The following RAF1 variants were observed in gnomAD, a reference collection of about 807,000 sequenced individuals.
RAF1 encodes Raf-1 proto-oncogene, serine/threonine kinase.
In RAF1, 27 loss-of-function variants were observed where a neutral mutation model predicts 81.1. That is an observed-to-expected ratio of 0.33 (90% confidence interval 0.25 to 0.46). The LOEUF (loss-of-function observed/expected upper bound fraction) is 0.46. Among genes scored for constraint, RAF1 ranks in the 20% least tolerant of loss-of-function variants. RAF1 has a pLI of 1.00. For synonymous variants in RAF1, 298 were observed against 294.0 expected, an observed-to-expected ratio of 1.01 and a Z score of -0.14; for missense variants, 598 against 826.0, an observed-to-expected ratio of 0.72 and a Z score of 3.38.
chr3:12,639,517 A>C (rs1240114401), intron 1 of RAF1, among the ~76,000 whole-genome samples: 6 of 152,226 alleles, frequency 3.9e-5, no homozygotes, highest in African/African-American at 1.4e-4. Flanking sequence ...AGGCAACTTC[A>C]GCAAAGTCTC....
At chr3:12,656,696 C>G (rs2060704397) in intron 1 of RAF1, among the ~76,000 whole-genome samples, 1 of 152,082 alleles carries the variant, frequency 6.6e-6, no homozygotes, top group African/African-American at 2.4e-5. Context: ...CATAAGACAT[C>G]TATACAAGAA....
intron 1 of RAF1, among the ~76,000 whole-genome samples, chr3:12,621,769 GATAA>G (rs1215429308): frequency 2.0e-4 from 30 of 152,280 alleles, no homozygotes; most frequent in African/African-American, 5.5e-4. Context: ...ATATCCACGT[GATAA>G]ATAAAGTAGA....
In RAF1 at chr3:12,606,190, TA is replaced by T; in HGVS notation, c.680+10del. On this transcript the variant is annotated intron_variant, in intron 6 of 17. Transcript: ENST00000442415. ...AACTTTCTAAAAGAAAAGCTATAGG[TA>T]AAAAATTACCTAACAGGCATCCTGG... The T allele has an allele frequency of 6.2e-7, 1 of 1,605,752 alleles. No homozygotes were observed. Among genetic ancestry groups the T allele is most frequent in the Non-Finnish European group, 8.5e-7 (1 of 1,172,620 alleles).
chr3:12,663,370 C>G (rs1311224175), intron 1 of RAF1, among the ~76,000 whole-genome samples: 1 of 152,200 alleles, frequency 6.6e-6, no homozygotes, highest in Non-Finnish European at 1.5e-5. Flanking sequence ...CTCTCTTACC[C>G]GATTCCTCAC....
intron 1 of RAF1, among the ~76,000 whole-genome samples, chr3:12,659,871 T>C (rs772153740): frequency 7.9e-5 from 12 of 152,178 alleles, no homozygotes; most frequent in Admixed American, 3.9e-4. Context: ...GTATGGCCTA[T>C]TATGATCCTA....
rs534522350 is a variant in RAF1 at position 12,594,907 on chromosome 3, A to T, written c.1169-3115T>A. ...CAGTTATGGTAACAGATTATTTGCA[A>T]TTTCTTATGAAATCCAGAAGGAATG... On this transcript the variant is annotated intron_variant, in intron 11 of 17. Transcript: ENST00000442415. Among the ~76,000 whole-genome samples the T allele has an allele frequency of 3.9e-5, 6 of 152,250 alleles. No homozygotes were observed. The East Asian group carries it at 1.2e-3, about 29-fold the overall frequency.
At position 12,664,002 on chromosome 3, in the gene RAF1, C is replaced by T; in HGVS notation, c.-216G>A. On this transcript the variant is annotated 5_prime_UTR_variant, in exon 1 of 18. Coordinates refer to ENST00000442415, the MANE Select transcript of RAF1 (RefSeq NM_001354689.3). ...GCGCCTCAGGGCACGCGCCCCAAAG[C>T]CCGGCCAGCTGACCCTTTTCGGGGC... is the stretch of plus-strand genomic sequence containing the variant. 5.0e-6 allele frequency: 2 copies of T among 398,608 alleles called. No individual in the cohort carries two copies. Among genetic ancestry groups the T allele is most frequent in the Non-Finnish European group, 8.8e-6 (2 of 226,024 alleles). 24.7% of individuals were successfully genotyped at this position (398,608 alleles called of 1,614,324 possible).
chr3:12,609,074 G>T (rs2125418188), intron 4 of RAF1, 151 bp from the exon 5 acceptor site: 1 of 1,107,394 alleles, frequency 9.0e-7, no homozygotes, highest in South Asian at 1.3e-5. Flanking sequence ...GTATATCTCT[G>T]ACTAATGAAA....
At chr3:12,601,126 A>G (rs1195304201) in intron 8 of RAF1, among the ~76,000 whole-genome samples, 1 of 152,238 alleles carries the variant, frequency 6.6e-6, no homozygotes, top group East Asian at 1.9e-4. Context: ...AAAGGTAAGC[A>G]GCCTATATAC....
chr3:12,585,177 A>G lies in RAF1; in HGVS notation c.1673T>C (p.Leu558Ser), dbSNP rs730881011. Residue 558 changes from leucine (L) to serine (S), a missense_variant, in exon 16 of 18, where the codon TTG (leucine) becomes TCG (serine). By Grantham distance (145) the Leu-to-Ser change is moderately radical. Transcript: ENST00000442415. ...AAGCTCCCCCGTCATCAGTTCATACAATACGATGCCATAGGAGTAGACATC... is the reference window on the plus strand; with the variant it reads ...AAGCTCCCCCGTCATCAGTTCATACGATACGATGCCATAGGAGTAGACATC... 6 of 1,614,170 alleles carry G rather than the reference A, an allele frequency of 3.7e-6. No homozygotes were observed. The Admixed American group carries it at 8.3e-5, about 22-fold the overall frequency.
chr3:12,598,530 G>C (rs906584042), intron 11 of RAF1, among the ~76,000 whole-genome samples: 4 of 151,762 alleles, frequency 2.6e-5, no homozygotes, highest in African/African-American at 9.7e-5. Context: ...TCCAGGAGTT[G>C]GAGACCAGCC....
At chr3:12,641,623 T>C (rs1453514578) in intron 1 of RAF1, among the ~76,000 whole-genome samples, 4 of 151,500 alleles carry the variant, frequency 2.6e-5, no homozygotes, top group Admixed American at 6.6e-5. Flanking sequence ...TCCCAAGCAG[T>C]TGGGACCACA....
chr3:12,614,094 G>A (rs1460042959), intron 2 of RAF1, among the ~76,000 whole-genome samples: 2 of 152,162 alleles, frequency 1.3e-5, no homozygotes, highest in Non-Finnish European at 2.9e-5. Flanking sequence ...AGGGTAAGGG[G>A]AAACCAACTG....
At chr3:12,628,156 G>A (rs1301496441) in intron 1 of RAF1, among the ~76,000 whole-genome samples, 1 of 152,228 alleles carries the variant, frequency 6.6e-6, no homozygotes, top group Non-Finnish European at 1.5e-5. Flanking sequence ...CTACATTCAA[G>A]TTATAAAATG....
chr3:12,639,180 G>A (rs2060113637), intron 1 of RAF1, among the ~76,000 whole-genome samples: 1 of 152,116 alleles, frequency 6.6e-6, no homozygotes, highest in Non-Finnish European at 1.5e-5. Flanking sequence ...AGCCCTTCAT[G>A]CTAAAAACTC....
chr3:12,660,716 C>T (rs891118505), intron 1 of RAF1, among the ~76,000 whole-genome samples: 1 of 152,152 alleles, frequency 6.6e-6, no homozygotes, highest in Non-Finnish European at 1.5e-5. Flanking sequence ...GTGGCTCACG[C>T]CTGTAATCCC....
intron 1 of RAF1, among the ~76,000 whole-genome samples, chr3:12,622,365 G>A (rs931775203): frequency 2.0e-5 from 3 of 152,136 alleles, no homozygotes; most frequent in South Asian, 2.1e-4. Context: ...TGTCACTCCC[G>A]TTTTAAAACT....
intron 1 of RAF1, among the ~76,000 whole-genome samples, chr3:12,662,005 T>A (rs1412490076): frequency 2.0e-5 from 3 of 151,610 alleles, no homozygotes; most frequent in Admixed American, 2.0e-4. Context: ...GCCAACATAG[T>A]GTGACCCCCT....
intron 1 of RAF1, among the ~76,000 whole-genome samples, chr3:12,629,725 G>T (rs1416723310): frequency 6.6e-6 from 1 of 152,114 alleles, no homozygotes; most frequent in African/African-American, 2.4e-5. Context: ...AGCCTACTCT[G>T]GCTTCCTGGT....
Sources: allele counts gnomAD v4.1 joint callset (sites outside exome capture counted in the v4.1 genomes callset), GRCh38; gene constraint gnomAD v4.1.1; transcripts MANE v1.5; gene names NCBI Gene and HGNC (gene_info 2026-07-23, HGNC 2026-07-21).